The following HMGXB4 variants were observed in gnomAD, a reference collection of about 807,000 sequenced individuals.
HMGXB4 encodes the protein HMG-box containing 4.
Under a neutral mutation model 63.9 loss-of-function variants are expected in HMGXB4, and 27 were observed. That is an observed-to-expected ratio of 0.42 (90% CI 0.31 to 0.58). HMGXB4 has a LOEUF of 0.58. HMGXB4 is among the 20% of genes least tolerant of loss of function. The pLI is 0.13. For missense variants in HMGXB4, 624 were observed against 700.7 expected (o/e 0.89, Z 1.24); for synonymous variants, 264 against 265.3 (o/e 0.99, Z 0.05).
At chr22:35,248,603 C>CTGGA in the HMGXB4 span, among the ~76,000 whole-genome samples, 33 of 152,086 alleles carry the variant, frequency 2.2e-4, no homozygotes, top group African/African-American at 8.0e-4. Flanking sequence ...CAGGGTTTCA[C>CTGGA]CACGTTGCCC....
At chr22:35,262,702 G>GA (rs1922938827) in intron 2 of HMGXB4, 5 of 529,876 alleles carry the variant, frequency 9.4e-6, no homozygotes, top group Non-Finnish European at 1.3e-5. Context: ...CAGTGTGCAG[G>GA]AGTCTGGGGA....
chr22:35,266,957 C>T (rs971642306), intron 5 of HMGXB4, among the ~76,000 whole-genome samples: 2 of 152,020 alleles, frequency 1.3e-5, no homozygotes, highest in Admixed American at 1.3e-4. Context: ...GCAACTTCAG[C>T]CTGGACAGCA....
At chr22:35,267,648 G>A (rs542539723) in intron 5 of HMGXB4, among the ~76,000 whole-genome samples, 1 of 150,598 alleles carries the variant, frequency 6.6e-6, no homozygotes, top group South Asian at 2.1e-4. Flanking sequence ...TGTATTCCCA[G>A]TATCCCGCCA....
the HMGXB4 span, among the ~76,000 whole-genome samples, chr22:35,243,635 C>T: frequency 5.6e-4 from 85 of 151,028 alleles, no homozygotes; most frequent in South Asian, 2.3e-3. Flanking sequence ...CCTCCACCTC[C>T]GGGGTTTAAG....
At chr22:35,257,828 GTGCGGCCGCCCCGGGGGCC>G (rs1425807006) in intron 1 of HMGXB4, among the ~76,000 whole-genome samples, 1 of 151,960 alleles carries the variant, frequency 6.6e-6, no homozygotes, top group Admixed American at 6.6e-5. Flanking sequence ...GGGAGGGGGC[GTGCGGCCGCCCCGGGGGCC>G]TGCGGACCCG....
At chr22:35,258,836 C>G (rs1922639964) in intron 1 of HMGXB4, among the ~76,000 whole-genome samples, 1 of 152,176 alleles carries the variant, frequency 6.6e-6, no homozygotes, top group African/African-American at 2.4e-5. Context: ...GGACATGGCT[C>G]TCATCCTGGA....
chr22:35,279,180 CTTG>C (rs1341330714), intron 5 of HMGXB4, among the ~76,000 whole-genome samples: 3 of 74,928 alleles, frequency 4.0e-5, no homozygotes, highest in African/African-American at 5.3e-5. Context: ...GAGTTTCACT[CTTG>C]TTGTCTAAGC....
chr22:35,257,386 G>T (rs1289410924), upstream of HMGXB4: 2 of 152,716 alleles, frequency 1.3e-5, no homozygotes, highest in Non-Finnish European at 2.9e-5. Flanking sequence ...AGCAGGCTCC[G>T]AGTTTTATTC....
chr22:35,252,025 G>C, the HMGXB4 span, among the ~76,000 whole-genome samples: 1 of 152,182 alleles, frequency 6.6e-6, no homozygotes, highest in Non-Finnish European at 1.5e-5. Context: ...GACCAGCCTG[G>C]CCAACATGGT....
intron 6 of HMGXB4, among the ~76,000 whole-genome samples, chr22:35,285,452 G>A (rs1924511938): frequency 6.6e-6 from 1 of 152,218 alleles, no homozygotes; most frequent in Non-Finnish European, 1.5e-5. Context: ...GGCTGAGGCA[G>A]GAGAATCACT....
At chr22:35,242,229 A>G in the HMGXB4 span, among the ~76,000 whole-genome samples, 1 of 152,114 alleles carries the variant, frequency 6.6e-6, no homozygotes, top group Non-Finnish European at 1.5e-5. Context: ...GGTTTCCTTA[A>G]TAGTTTGTAG....
rs1220643932 is a variant in HMGXB4 at position 35,294,206 on chromosome 22, TGAGTAGAGG to T, written c.*557_*565del. 6.6e-6 allele frequency: 1 copy of T among 152,426 alleles called. No individual in the cohort carries two copies. The highest frequency in any genetic ancestry group is 2.4e-5 in the African/African-American group (1 of 41,410). The allele number at this position is 152,426 out of a possible 1,614,324, so 9.4% of individuals were successfully genotyped here. ...AGTTATGGAAGTGGCTTAGGTGAATTGAGTAGAGGGTTCATTCCAATTCCTACTGTATAG... is the reference window on the plus strand; with the variant it reads ...AGTTATGGAAGTGGCTTAGGTGAATTGTTCATTCCAATTCCTACTGTATAG... On this transcript the variant is annotated 3_prime_UTR_variant, in exon 11 of 11. Coordinates refer to ENST00000216106, the MANE Select transcript of HMGXB4 (RefSeq NM_001003681.3).
the HMGXB4 span, among the ~76,000 whole-genome samples, chr22:35,246,081 A>G: frequency 6.6e-6 from 1 of 151,960 alleles, no homozygotes; most frequent in African/African-American, 2.4e-5. Context: ...CCTCATTACT[A>G]TGCAAGGGGA....
upstream of HMGXB4, among the ~76,000 whole-genome samples, chr22:35,256,847 A>G (rs929783525): frequency 6.6e-6 from 1 of 152,174 alleles, no homozygotes; most frequent in African/African-American, 2.4e-5. Flanking sequence ...ATTTCTACTC[A>G]TTGGTCGAAG....
intron 9 of HMGXB4, among the ~76,000 whole-genome samples, chr22:35,289,764 C>A (rs1380112460): frequency 2.0e-5 from 3 of 152,170 alleles, no homozygotes; most frequent in Non-Finnish European, 2.9e-5. Context: ...GCACAGCTGT[C>A]GTGTTTCATT....
chr22:35,251,835 TC>T, the HMGXB4 span, among the ~76,000 whole-genome samples: 298 of 152,316 alleles, frequency 2.0e-3, 2 homozygotes, highest in African/African-American at 7.0e-3. Flanking sequence ...ATCTGCCACC[TC>T]CCAAAGTTTC....
chr22:35,276,295 C>T lies in HMGXB4; in HGVS notation c.1216-7667C>T, dbSNP rs117727371. The stretch of plus-strand genomic sequence containing the variant: ...CCAACAGAATGTCATTCTAGTGCAG[C>T]TAGATTTTTCTCTCCACCACCAGAT... On this transcript the variant is annotated intron_variant, in intron 5 of 10. Transcript: ENST00000216106. 6.1e-3 allele frequency among the ~76,000 whole-genome samples: 930 copies of T among 152,290 alleles called. 4 individuals are homozygous for T. The highest frequency in any genetic ancestry group is 9.5e-3 in the Non-Finnish European group (647 of 68,014).
At chr22:35,258,535 T>TC (rs1922616859) in intron 1 of HMGXB4, 1 of 152,202 alleles carries the variant, frequency 6.6e-6, no homozygotes, top group Non-Finnish European at 1.5e-5. Context: ...GAGGATTCAA[T>TC]CCCCATCCCC....
chr22:35,293,058 T>G lies in HMGXB4; in HGVS notation c.1705T>G (p.Leu569Val). Residue 569 changes from leucine (L) to valine (V), a missense_variant, in exon 10 of 11, where the codon TTG becomes GTG. Physicochemically the swap from Leu to Val is conservative, Grantham distance 32. This residue lies in a region of HMGXB4 where 152 missense variants were observed against 230.1 expected (regional missense o/e 0.66). Coordinates refer to ENST00000216106, the MANE Select transcript of HMGXB4 (RefSeq NM_001003681.3). Reference protein sequence around the residue: ...LDSIICALGPLACLTTQLPEL... With the variant: ...LDSIICALGPVACLTTQLPEL... The stretch of plus-strand genomic sequence containing the variant: ...TTCCATTATCTGTGCCCTTGGCCCC[T>G]TGGCATGTCTCACCACACAACTACC... 6.2e-7 allele frequency: 1 copy of G among 1,614,234 alleles called. No individual in the cohort carries two copies. The highest frequency in any genetic ancestry group is 8.5e-7 in the Non-Finnish European group (1 of 1,180,042).
Sources: gnomAD v4.1 joint callset for allele counts (sites outside exome capture counted in the v4.1 genomes callset) on GRCh38, gnomAD v4.1.1 for gene constraint, gnomAD v4.1.1 regional missense constraint, MANE v1.5 for transcripts, NCBI Gene and HGNC (gene_info 2026-07-23, HGNC 2026-07-21) for gene names.